Variants in IQCM observed in about 807,000 individuals in gnomAD.
IQCM encodes IQ motif containing M, also known as IQ domain-containing protein M.
Under a neutral mutation model 57.6 loss-of-function variants are expected in IQCM, and 45 were observed. The ratio of observed to expected loss-of-function variants is 0.78; its 90% CI spans 0.62 to 1.00. The LOEUF (loss-of-function observed/expected upper bound fraction) is 1.00, where lower values mean the gene tolerates loss of function less well. Ranked by LOEUF, IQCM falls within the 50% of genes least tolerant of loss-of-function variation. IQCM has a pLI of 0.00. For synonymous variants in IQCM, 148 were observed against 158.9 expected (o/e 0.93, Z 0.51); for missense variants, 468 against 511.6 (o/e 0.91, Z 0.82).
chr4:149,353,045 G>T (rs924587427), intron 13 of IQCM, among the ~76,000 whole-genome samples: 3 of 152,090 alleles, frequency 2.0e-5, no homozygotes, highest in Admixed American at 1.3e-4. Flanking sequence ...TTGTTTCTGG[G>T]TTAATGTATC....
chr4:149,369,203 C>T (rs985729462), intron 13 of IQCM, among the ~76,000 whole-genome samples: 1 of 151,042 alleles, frequency 6.6e-6, no homozygotes, highest in South Asian at 2.1e-4. Flanking sequence ...TGCCATCATG[C>T]CTGTCTAATT....
intron 7 of IQCM, among the ~76,000 whole-genome samples, chr4:149,641,369 A>G (rs1758175152): frequency 6.6e-6 from 1 of 152,188 alleles, no homozygotes; most frequent in African/African-American, 2.4e-5. Flanking sequence ...GTACTTTCAG[A>G]AACACTGAAA....
At chr4:149,771,684 TTG>T in intron 2 of IQCM, among the ~76,000 whole-genome samples, 1 of 152,160 alleles carries the variant, frequency 6.6e-6, no homozygotes, top group South Asian at 2.1e-4. Flanking sequence ...TATCCTAAGT[TTG>T]TGTGTGTGTC....
At chr4:149,793,053 T>G (rs1430855014) in intron 2 of IQCM, among the ~76,000 whole-genome samples, 1 of 152,224 alleles carries the variant, frequency 6.6e-6, no homozygotes, top group Non-Finnish European at 1.5e-5. Flanking sequence ...TCATTATTTA[T>G]GAAGTCAGCT....
At chr4:149,537,995 A>G (rs1176830432) in intron 12 of IQCM, among the ~76,000 whole-genome samples, 1 of 151,510 alleles carries the variant, frequency 6.6e-6, no homozygotes, top group Non-Finnish European at 1.5e-5. Flanking sequence ...AATAATGAAG[A>G]GCAAAGGAAA....
chr4:149,795,679 T>G (rs28545223), intron 2 of IQCM, among the ~76,000 whole-genome samples: 19,159 of 152,088 alleles, frequency 0.13, 2,597 homozygotes, highest in African/African-American at 0.3. Flanking sequence ...CTTCTGCTTC[T>G]GGAGAAGAGA....
chr4:149,402,030 C>G (rs1318562833), intron 13 of IQCM, among the ~76,000 whole-genome samples: 1 of 151,732 alleles, frequency 6.6e-6, no homozygotes, highest in Non-Finnish European at 1.5e-5. Flanking sequence ...CATGACAACT[C>G]TATGGATAAT....
intron 7 of IQCM, among the ~76,000 whole-genome samples, chr4:149,680,362 T>C (rs1382323523): frequency 6.6e-6 from 1 of 151,360 alleles, no homozygotes. Context: ...CATAACATTT[T>C]GTTTATTTTG....
At chr4:149,533,472 T>G (rs2149857776) in intron 12 of IQCM, among the ~76,000 whole-genome samples, 1 of 152,120 alleles carries the variant, frequency 6.6e-6, no homozygotes, top group African/African-American at 2.4e-5. Flanking sequence ...AAAGAAAACT[T>G]AAGTAAGTAG....
intron 2 of IQCM, among the ~76,000 whole-genome samples, chr4:149,763,770 T>C (rs913412237): frequency 6.6e-6 from 1 of 151,956 alleles, no homozygotes; most frequent in Non-Finnish European, 1.5e-5. Flanking sequence ...CTCTTAATCT[T>C]TGGGCATGCT....
chr4:149,656,752 C>A (rs17026361), intron 7 of IQCM, among the ~76,000 whole-genome samples: 11 of 151,858 alleles, frequency 7.2e-5, no homozygotes, highest in African/African-American at 2.7e-4. Context: ...TGCACTGGTA[C>A]GTAGGGCGGA....
chr4:149,605,484 T>C (rs901060809), intron 8 of IQCM, among the ~76,000 whole-genome samples: 1 of 152,190 alleles, frequency 6.6e-6, no homozygotes, highest in Admixed American at 6.5e-5. Context: ...TAGTTGAATA[T>C]ACATCTTGAT....
intron 12 of IQCM, among the ~76,000 whole-genome samples, chr4:149,468,417 G>T (rs1044855460): frequency 1.3e-5 from 2 of 152,182 alleles, no homozygotes; most frequent in Non-Finnish European, 2.9e-5. Flanking sequence ...AGGCAGCAGC[G>T]AGGCTGGGGG....
At chr4:149,427,847 G>A (rs1345790183) in intron 13 of IQCM, among the ~76,000 whole-genome samples, 2 of 151,880 alleles carry the variant, frequency 1.3e-5, no homozygotes, top group African/African-American at 4.8e-5. Flanking sequence ...TGATGGCAGT[G>A]TATAGTGGAT....
chr4:149,627,147 A>G (rs1561077179), intron 7 of IQCM, among the ~76,000 whole-genome samples: 2 of 152,156 alleles, frequency 1.3e-5, no homozygotes, highest in Non-Finnish European at 2.9e-5. Flanking sequence ...TGGGGAGGGC[A>G]GGTATTGATA....
At chr4:149,454,552 T>C (rs1737479446) in intron 12 of IQCM, among the ~76,000 whole-genome samples, 2 of 151,858 alleles carry the variant, frequency 1.3e-5, no homozygotes, top group African/African-American at 2.4e-5. Context: ...AGTATGTGCA[T>C]CAAGCCCCAG....
chr4:149,702,525 G>A lies in IQCM; in HGVS notation c.386-16057C>T, dbSNP rs142293437. 2.6e-3 allele frequency among the ~76,000 whole-genome samples: 389 copies of A among 151,992 alleles called. 3 individuals carry two copies. The highest frequency in any genetic ancestry group is 8.8e-3 in the African/African-American group (364 of 41,522). The stretch of plus-strand genomic sequence containing the variant: ...ACATAAATTAAGCACTCAGTAAAGA[G>A]TCATCCTTTTCCTCTCCTTATCTTT... On this transcript the variant is annotated intron_variant, in intron 5 of 13. Transcript: ENST00000636793.
chr4:149,398,524 G>T (rs572315539), intron 13 of IQCM, among the ~76,000 whole-genome samples: 2 of 152,060 alleles, frequency 1.3e-5, no homozygotes, highest in African/African-American at 4.8e-5. Context: ...TTATGTGTGT[G>T]TCTTGTTTCT....
chr4:149,360,019 A>G (rs531524245), intron 13 of IQCM, among the ~76,000 whole-genome samples: 11 of 152,128 alleles, frequency 7.2e-5, no homozygotes, highest in Non-Finnish European at 1.2e-4. Flanking sequence ...AGAGAAAAAC[A>G]CTACAATTAT....
Sources: gnomAD v4.1 joint callset for allele counts (sites outside exome capture counted in the v4.1 genomes callset) on GRCh38, gnomAD v4.1.1 for gene constraint, MANE v1.5 for transcripts, NCBI Gene and HGNC (gene_info 2026-07-23, HGNC 2026-07-21) for gene names.